ZEB1: variants seen among roughly 807,000 people sequenced by gnomAD.
The protein encoded by ZEB1 is zinc finger E-box-binding homeobox 1.
ZEB1 carries 21 observed loss-of-function variants against 84.9 expected under a neutral mutation model. The ratio of observed to expected loss-of-function variants is 0.25; its 90% confidence interval spans 0.18 to 0.36. ZEB1 has a LOEUF of 0.36. Among genes scored for constraint, ZEB1 ranks in the 10% least tolerant of loss-of-function variants. The probability of loss-of-function intolerance (pLI) is 1.00; values close to 1 mark genes in which losing one functional copy is unlikely to be tolerated. For missense variants in ZEB1, 1,104 were observed against 1,330.2 expected (o/e 0.83, Z 2.65); for synonymous variants, 420 against 471.1 (o/e 0.89, Z 1.41).
At position 31,520,891 on chromosome 10, in the gene ZEB1, A is replaced by T; in HGVS notation, c.1559A>T (p.Asp520Val). The T allele has an allele frequency of 6.2e-7, 1 of 1,614,164 alleles. No homozygotes were observed. Among genetic ancestry groups the T allele is most frequent in the Non-Finnish European group, 8.5e-7 (1 of 1,180,010 alleles). The stretch of plus-strand genomic sequence containing the variant: ...GATCTTACTGTTAAGTCTGAGAAGG[A>T]CAAAAGCTTTGAAGGGGGGGTGAAT... ...PEDLTVKSEK[D>V]KSFEGGVNDS... Residue 520 changes from aspartate (D) to valine (V), a missense_variant, in exon 7 of 9, where the codon GAC becomes GTC. Physicochemically the swap from Asp to Val is radical, Grantham distance 152 (BLOSUM62 -3). Around this residue, in one of 7 missense-constraint regions of ZEB1, gnomAD observed 531 missense variants for 575.2 expected, o/e 0.92. Transcript: ENST00000424869. The surrounding 1 kb of genome is among the most constrained non-coding windows in gnomAD (Gnocchi z 5.1).
At chr10:31,423,835 A>T (rs542025006) in intron 1 of ZEB1, among the ~76,000 whole-genome samples, 1 of 152,184 alleles carries the variant, frequency 6.6e-6, no homozygotes, top group Non-Finnish European at 1.5e-5. Context: ...CCTAGTTCTT[A>T]AAAGAGAAAT....
chr10:31,381,470 C>G (rs1332893226), intron 1 of ZEB1, among the ~76,000 whole-genome samples: 3 of 152,024 alleles, frequency 2.0e-5, no homozygotes, highest in Non-Finnish European at 2.9e-5. Context: ...CAAATAAAAG[C>G]AGAGAAACTG....
intron 1 of ZEB1, among the ~76,000 whole-genome samples, chr10:31,407,473 A>G (rs1023117563): frequency 6.6e-6 from 1 of 151,614 alleles, no homozygotes; most frequent in South Asian, 2.1e-4. Flanking sequence ...TATGTGCCAC[A>G]TTTTCTTAAT....
intron 6 of ZEB1, among the ~76,000 whole-genome samples, chr10:31,515,639 A>T (rs2070945975): frequency 2.0e-5 from 3 of 152,034 alleles, no homozygotes; most frequent in African/African-American, 7.2e-5. Flanking sequence ...TTGGAACTGC[A>T]TTTCTAAAAG....
At chr10:31,396,590 A>G (rs1190626568) in intron 1 of ZEB1, among the ~76,000 whole-genome samples, 1 of 152,224 alleles carries the variant, frequency 6.6e-6, no homozygotes, top group Non-Finnish European at 1.5e-5. Flanking sequence ...GCCAGACTGT[A>G]GCAGAAATCA....
intron 1 of ZEB1, among the ~76,000 whole-genome samples, chr10:31,337,979 G>A (rs919338696): frequency 3.9e-5 from 6 of 152,002 alleles, no homozygotes; most frequent in Non-Finnish European, 8.8e-5. Flanking sequence ...CACCGCGCCC[G>A]GCCTAAGCAT....
At chr10:31,526,631 T>C (rs1360218096) in intron 8 of ZEB1, 41 bp from the exon 9 acceptor site, 1 of 1,607,996 alleles carries the variant, frequency 6.2e-7, no homozygotes, top group Non-Finnish European at 8.5e-7. Flanking sequence ...TTTTATTTGC[T>C]GAATACCACC....
intron 1 of ZEB1, among the ~76,000 whole-genome samples, chr10:31,440,158 A>G (rs1201030956): frequency 1.3e-5 from 2 of 152,194 alleles, no homozygotes; most frequent in Non-Finnish European, 2.9e-5. Flanking sequence ...AGTCAAAACT[A>G]TCACTGAGAC....
intron 2 of ZEB1, among the ~76,000 whole-genome samples, chr10:31,480,515 C>T (rs148546867): frequency 3.3e-5 from 5 of 152,136 alleles, no homozygotes; most frequent in African/African-American, 9.6e-5. Flanking sequence ...TTGAGTTCCA[C>T]TTGTACATAT....
chr10:31,527,650 T>C lies in ZEB1; in HGVS notation c.*386T>C, dbSNP rs141676377. The C allele has an allele frequency of 5.4e-3, 1,040 of 192,584 alleles. 12 individuals are homozygous for C. Among genetic ancestry groups the C allele is most frequent in the African/African-American group, 0.019 (812 of 42,556 alleles). 11.9% of individuals were successfully genotyped at this position (192,584 alleles called of 1,614,324 possible). ...TATCTTATCAGTATTATCACTCTTA[T>C]GTTGGTTTATTCTTAAGCTGTACAA... On this transcript the variant is annotated 3_prime_UTR_variant, in exon 9 of 9. Transcript: ENST00000424869.
At chr10:31,380,815 T>C (rs1343488440) in intron 1 of ZEB1, among the ~76,000 whole-genome samples, 1 of 152,194 alleles carries the variant, frequency 6.6e-6, no homozygotes, top group African/African-American at 2.4e-5. Context: ...CTATTTTACA[T>C]GTGACTCTGA....
chr10:31,447,304 G>A (rs1240887927), intron 1 of ZEB1, among the ~76,000 whole-genome samples: 29 of 143,460 alleles, frequency 2.0e-4, no homozygotes, highest in African/African-American at 7.5e-4. Context: ...GAGCCTATGT[G>A]TGTCTCTGCA....
chr10:31,470,818 G>T (rs1342309486), intron 2 of ZEB1, among the ~76,000 whole-genome samples: 1 of 131,236 alleles, frequency 7.6e-6, no homozygotes, highest in Admixed American at 7.6e-5. Flanking sequence ...AGAGAGAAAC[G>T]TCAGGTTACC....
At position 31,526,833 on chromosome 10, in the gene ZEB1, C is replaced by T. The variant is rs554002482; in HGVS notation, c.2947C>T (p.Arg983Cys). Reference protein sequence around the residue: ...SGSYSQHMNHRYSYCKREAEE... With the variant: ...SGSYSQHMNHCYSYCKREAEE... ...GTCTTATTCTCAACACATGAATCATCGCTACTCCTACTGTAAGAGAGAAGC... is the reference window on the plus strand; with the variant it reads ...GTCTTATTCTCAACACATGAATCATTGCTACTCCTACTGTAAGAGAGAAGC... The change falls in exon 9 of 9, where the codon CGC becomes TGC. Residue 983 changes from arginine (R) to cysteine (C), a missense_variant. Coordinates refer to ENST00000424869, the MANE Select transcript of ZEB1 (RefSeq NM_001174096.2). 1 of 1,614,128 alleles carries T rather than the reference C, an allele frequency of 6.2e-7. No homozygotes were observed. The highest frequency in any genetic ancestry group is 1.3e-5 in the African/African-American group (1 of 75,040).
chr10:31,486,277 G>A (rs997245536), intron 2 of ZEB1, among the ~76,000 whole-genome samples: 2 of 151,602 alleles, frequency 1.3e-5, no homozygotes, highest in Non-Finnish European at 3.0e-5. Flanking sequence ...ATAATATGTT[G>A]TATATATTTA....
chr10:31,451,167 A>T (rs563673205), intron 1 of ZEB1, among the ~76,000 whole-genome samples: 90 of 152,266 alleles, frequency 5.9e-4, no homozygotes, highest in African/African-American at 1.9e-3. Context: ...TAATACAGTG[A>T]TAATTATTTA....
intron 4 of ZEB1, among the ~76,000 whole-genome samples, chr10:31,502,901 C>T (rs1383608630): frequency 6.6e-6 from 1 of 152,052 alleles, no homozygotes; most frequent in African/African-American, 2.4e-5. Context: ...AATTTGGAAA[C>T]AGTGGTTTTC....
intron 1 of ZEB1, among the ~76,000 whole-genome samples, chr10:31,348,878 G>A (rs1194929137): frequency 2.0e-5 from 3 of 152,140 alleles, no homozygotes; most frequent in Admixed American, 2.0e-4. Flanking sequence ...TGTACACATT[G>A]TGGAATGGCT....
intron 1 of ZEB1, among the ~76,000 whole-genome samples, chr10:31,416,929 G>C (rs2055315197): frequency 6.6e-6 from 1 of 152,056 alleles, no homozygotes; most frequent in Non-Finnish European, 1.5e-5. Flanking sequence ...TTATTGTCCA[G>C]TTCTATAGCT....
Sources: gnomAD v4.1 joint callset for allele counts (sites outside exome capture counted in the v4.1 genomes callset) on GRCh38, gnomAD v4.1.1 for gene constraint, gnomAD v4.1.1 regional missense constraint, Gnocchi (gnomAD v3.1) non-coding constraint, MANE v1.5 for transcripts, NCBI Gene and HGNC (gene_info 2026-07-23, HGNC 2026-07-21) for gene names.